The following HELLS variants were observed in gnomAD, a reference collection of about 807,000 sequenced individuals.
HELLS encodes lymphoid-specific helicase.
Under a neutral mutation model 120.0 loss-of-function variants are expected in HELLS, and 32 were observed. The ratio of observed to expected loss-of-function variants is 0.27; its 90% CI spans 0.20 to 0.36. HELLS has a LOEUF of 0.36. HELLS is among the 10% of genes least tolerant of loss of function. The pLI, the probability that HELLS is intolerant of heterozygous loss-of-function variation, is 1.00. For synonymous variants in HELLS, 341 were observed against 323.4 expected (o/e 1.05, Z -0.58); for missense variants, 650 against 993.4 (o/e 0.65, Z 4.65).
rs544392995 is a variant in HELLS at position 94,556,975 on chromosome 10, C to T, written c.277-1164C>T. Among the ~76,000 whole-genome samples, 9 of 152,300 alleles carry T rather than the reference C, an allele frequency of 5.9e-5. No individual in the cohort carries two copies. In the South Asian group the frequency reaches 1.9e-3, roughly 32 times the overall value. ...GGCTTTTGCCCTTGCTATTTTATGC[C>T]TGGAACCTTCTTCCTCTAAATAACT... On this transcript the variant is annotated intron_variant, in intron 3 of 21. Coordinates refer to ENST00000348459, the MANE Select transcript of HELLS (RefSeq NM_018063.5).
intron 13 of HELLS, among the ~76,000 whole-genome samples, chr10:94,589,188 G>C (rs1208874765): frequency 6.6e-6 from 1 of 152,106 alleles, no homozygotes; most frequent in Non-Finnish European, 1.5e-5. Context: ...TTTCCGTACA[G>C]ATTAACTCTA....
chr10:94,592,574 T>C, intron 17 of HELLS, 60 bp downstream of exon 17: 1 of 1,131,676 alleles, frequency 8.8e-7, no homozygotes, highest in Non-Finnish European at 1.2e-6. Context: ...TCTTGATTTC[T>C]GAAGTAATAT....
chr10:94,548,880 A>C (rs565429209), intron 2 of HELLS, among the ~76,000 whole-genome samples: 1 of 152,072 alleles, frequency 6.6e-6, no homozygotes, highest in Non-Finnish European at 1.5e-5. Flanking sequence ...TGCAGTCCCA[A>C]CTACTCAGGA....
intron 13 of HELLS, 69 bp downstream of exon 13, chr10:94,588,459 T>G: frequency 8.2e-7 from 1 of 1,218,234 alleles, no homozygotes; most frequent in Non-Finnish European, 1.1e-6. Flanking sequence ...TCCCTTTTTT[T>G]TTGAGAGAAG....
chr10:94,575,786 TG>T, intron 9 of HELLS, among the ~76,000 whole-genome samples: 1 of 145,844 alleles, frequency 6.9e-6, no homozygotes, highest in South Asian at 2.3e-4. Flanking sequence ...TGTGTGTGTG[TG>T]TGTGTGTGTG....
At chr10:94,591,584 T>C (rs1845493589) in intron 15 of HELLS, among the ~76,000 whole-genome samples, 1 of 152,224 alleles carries the variant, frequency 6.6e-6, no homozygotes, top group African/African-American at 2.4e-5. Flanking sequence ...CCCTGTCTTC[T>C]ACCCATTAGA....
chr10:94,546,340 T>C (rs759630877), intron 1 of HELLS, 37 bp from the exon 2 acceptor site: 16 of 1,613,632 alleles, frequency 9.9e-6, no homozygotes, highest in Non-Finnish European at 1.4e-5. Flanking sequence ...TGGTAATTTT[T>C]TTAAAACTGC....
In HELLS at chr10:94,594,761, G is replaced by A; in HGVS notation, c.2155G>A (p.Val719Ile). The change falls in exon 19 of 22, where the codon GTT becomes ATT. Residue 719 changes from valine to isoleucine, a missense_variant. This residue lies in a region of HELLS where 22 missense variants were observed against 78.2 expected (regional missense o/e 0.28). Transcript: ENST00000348459. Reference sequence around the variant, plus strand: ...AATTGGTCAGACAAAGCCAGTTGTTGTTTATCGCCTTGTTACAGCAAATAC... The same window carrying A: ...AATTGGTCAGACAAAGCCAGTTGTTATTTATCGCCTTGTTACAGCAAATAC... ...HRIGQTKPVVVYRLVTANTID... is the reference protein window; with the variant it reads ...HRIGQTKPVVIYRLVTANTID... 1.2e-6 allele frequency: 2 copies of A among 1,613,808 alleles called. No homozygotes were observed.
rs79486916 is a variant in HELLS, at chr10:94,576,426, A to G, written c.889-236A>G. ...CTTGGCTTCCCAAAGTGTTGAGATT[A>G]TAGGTGTGAGCCATTGTGCTGGGCC... is the stretch of plus-strand genomic sequence containing the variant. On this transcript the variant is annotated intron_variant, in intron 9 of 21. Coordinates refer to ENST00000348459, the MANE Select transcript of HELLS (RefSeq NM_018063.5). Among the ~76,000 whole-genome samples the G allele has an allele frequency of 1.9e-4, 29 of 151,878 alleles. No individual in the cohort carries two copies. The East Asian group carries it at 5.4e-3, about 28-fold the overall frequency.
At chr10:94,566,622 C>CATAGTA (rs1843810626) in intron 6 of HELLS, among the ~76,000 whole-genome samples, 1 of 151,538 alleles carries the variant, frequency 6.6e-6, no homozygotes, top group Non-Finnish European at 1.5e-5. Context: ...GATCTGTGGG[C>CATAGTA]ATAGTAGTTT....
chr10:94,573,579 C>T lies in HELLS; in HGVS notation c.478-381C>T, dbSNP rs376598114. ...CTTCCTGGGTTTAAGTGATCCTCAG[C>T]CTCCCGAGTAGCTGGGATACAGGCA... On this transcript the variant is annotated intron_variant, in intron 7 of 21. Coordinates refer to ENST00000348459, the MANE Select transcript of HELLS (RefSeq NM_018063.5). Among the ~76,000 whole-genome samples the T allele has an allele frequency of 1.2e-3, 175 of 152,048 alleles. 2 individuals are homozygous for T. The highest frequency in any genetic ancestry group is 4.0e-3 in the African/African-American group (167 of 41,474).
chr10:94,588,383 C>A lies in HELLS; in HGVS notation c.1481C>A (p.Ser494Tyr). The A allele has an allele frequency of 6.3e-7, 1 of 1,599,284 alleles. No individual in the cohort carries two copies. The highest frequency in any genetic ancestry group is 8.5e-7 in the Non-Finnish European group (1 of 1,173,230). ...CGTACAATTGCAAACATGTTTGGAT[C>A]CAGTGAGGTATAGTGGTTTTGAAAT... is the stretch of plus-strand genomic sequence containing the variant. Reference protein sequence around the residue: ...VNRTIANMFGSSEKETIELSP... With the variant: ...VNRTIANMFGYSEKETIELSP... Residue 494 changes from serine (S) to tyrosine (Y), a missense_variant, in exon 13 of 22, where the codon TCC (serine) becomes TAC (tyrosine). Ser to Tyr is a moderately radical substitution (Grantham distance 144). Transcript: ENST00000348459.
intron 12 of HELLS, among the ~76,000 whole-genome samples, chr10:94,587,155 T>C (rs551158941): frequency 7.2e-5 from 11 of 152,144 alleles, no homozygotes; most frequent in Non-Finnish European, 1.5e-4. Context: ...AGCCTGAAAC[T>C]TTAGAACTTA....
At chr10:94,577,945 C>T (rs1348118772) in intron 10 of HELLS, among the ~76,000 whole-genome samples, 1 of 152,042 alleles carries the variant, frequency 6.6e-6, no homozygotes, top group East Asian at 1.9e-4. Context: ...CGCCTGTAGT[C>T]CCAGCTACTC....
intron 6 of HELLS, chr10:94,570,068 G>A (rs1245345313): frequency 6.7e-6 from 1 of 149,540 alleles, no homozygotes; most frequent in East Asian, 2.0e-4. Flanking sequence ...TGGGAGACAA[G>A]ATCTTTCTCT....
intron 10 of HELLS, among the ~76,000 whole-genome samples, chr10:94,580,552 G>A (rs1844818311): frequency 6.6e-6 from 1 of 151,772 alleles, no homozygotes; most frequent in Non-Finnish European, 1.5e-5. Context: ...CAGGTTTTTT[G>A]GTTTAACATA....
intron 6 of HELLS, among the ~76,000 whole-genome samples, chr10:94,565,088 G>T (rs529233420): frequency 6.6e-6 from 1 of 152,212 alleles, no homozygotes; most frequent in Non-Finnish European, 1.5e-5. Flanking sequence ...TGTAATCCCA[G>T]CATTTTGGGA....
chr10:94,554,854 A>G lies in HELLS; in HGVS notation c.276+606A>G, dbSNP rs1843173721. ...ATCACGTCTATGTTATGAGGTCTTC[A>G]TTAAAAACCCAAAAGGGCTGGGTGT... On this transcript the variant is annotated intron_variant, in intron 3 of 21. Coordinates refer to ENST00000348459, the MANE Select transcript of HELLS (RefSeq NM_018063.5). 2.6e-5 allele frequency among the ~76,000 whole-genome samples: 4 copies of G among 152,094 alleles called. No individual in the cohort carries two copies. In the South Asian group the frequency reaches 8.3e-4, roughly 32 times the overall value.
intron 7 of HELLS, among the ~76,000 whole-genome samples, chr10:94,573,513 T>C (rs1457415000): frequency 6.6e-6 from 1 of 152,068 alleles, no homozygotes; most frequent in East Asian, 1.9e-4. Context: ...TCACCCAGGC[T>C]GGAGTGCAGT....
Sources: allele counts gnomAD v4.1 joint callset (sites outside exome capture counted in the v4.1 genomes callset), GRCh38; gene constraint gnomAD v4.1.1; regional missense constraint gnomAD v4.1.1; transcripts MANE v1.5; gene names NCBI Gene and HGNC (gene_info 2026-07-23, HGNC 2026-07-21).